Variants in HEMK2 observed in about 807,000 individuals in gnomAD.
HEMK2 encodes HemK methyltransferase 2, ETF1 glutamine and histone H4 lysine.
chr21:28,709,488 G>T, the HEMK2 span, among the ~76,000 whole-genome samples: 1 of 152,108 alleles, frequency 6.6e-6, no homozygotes, highest in Non-Finnish European at 1.5e-5. Context: ...TGTTATAAAA[G>T]ACAACCAAGT....
chr21:28,836,534 C>T, the HEMK2 span, among the ~76,000 whole-genome samples: 2 of 151,594 alleles, frequency 1.3e-5, no homozygotes, highest in Admixed American at 6.6e-5. Flanking sequence ...AAAACAGAAC[C>T]TTTTTAAAGC....
the HEMK2 span, among the ~76,000 whole-genome samples, chr21:28,688,638 A>G: frequency 0.56 from 84,407 of 151,726 alleles, 26,136 homozygotes; most frequent in East Asian, 0.84. Flanking sequence ...ATACAAAAAT[A>G]TACTTAGCAT....
the HEMK2 span, among the ~76,000 whole-genome samples, chr21:28,776,157 T>G: frequency 1.3e-5 from 2 of 152,222 alleles, no homozygotes; most frequent in Non-Finnish European, 2.9e-5. Context: ...TGTAGACTTC[T>G]GGGAGTTTCA....
chr21:28,729,138 G>A, the HEMK2 span, among the ~76,000 whole-genome samples: 1 of 152,288 alleles, frequency 6.6e-6, no homozygotes, highest in South Asian at 2.1e-4. Flanking sequence ...AATCTTCTAG[G>A]TTTCTCTGTC....
chr21:28,822,227 T>C, the HEMK2 span, among the ~76,000 whole-genome samples: 91 of 152,196 alleles, frequency 6.0e-4, no homozygotes, highest in Non-Finnish European at 1.1e-3. Flanking sequence ...TTATATACCA[T>C]CTGGGACAAA....
At chr21:28,774,596 A>C in the HEMK2 span, among the ~76,000 whole-genome samples, 1 of 152,104 alleles carries the variant, frequency 6.6e-6, no homozygotes, top group Non-Finnish European at 1.5e-5. Flanking sequence ...TCTAAAAAAA[A>C]AGAAAAAAGA....
At chr21:28,634,760 T>C in the HEMK2 span, among the ~76,000 whole-genome samples, 11 of 152,208 alleles carry the variant, frequency 7.2e-5, no homozygotes, top group Admixed American at 7.2e-4. Flanking sequence ...TACAAGTTTG[T>C]AACTTATAGA....
the HEMK2 span, chr21:28,743,235 T>C: frequency 1.2e-4 from 19 of 152,140 alleles, no homozygotes; most frequent in Non-Finnish European, 2.5e-4. Context: ...TAGAGTAGAT[T>C]AGCATGGCCT....
At chr21:28,579,221 C>T in the HEMK2 span, among the ~76,000 whole-genome samples, 1 of 152,072 alleles carries the variant, frequency 6.6e-6, no homozygotes, top group Admixed American at 6.6e-5. Context: ...AAACATATGT[C>T]ATTACATTAT....
At chr21:28,733,857 C>A in the HEMK2 span, among the ~76,000 whole-genome samples, 2 of 76,234 alleles carry the variant, frequency 2.6e-5, no homozygotes, top group African/African-American at 1.8e-4. Context: ...TCTTCCTCTG[C>A]GACAGCCTCT....
chr21:28,684,694 G>A, the HEMK2 span, among the ~76,000 whole-genome samples: 22 of 152,274 alleles, frequency 1.4e-4, no homozygotes, highest in African/African-American at 4.1e-4. Flanking sequence ...ACATCAACAC[G>A]TGAATGGGGG....
chr21:28,818,595 C>T, the HEMK2 span, among the ~76,000 whole-genome samples: 1 of 152,120 alleles, frequency 6.6e-6, no homozygotes, highest in African/African-American at 2.4e-5. Context: ...CCCTTCTTTG[C>T]CCACCCTCTC....
chr21:28,578,400 G>T, the HEMK2 span, among the ~76,000 whole-genome samples: 49 of 152,296 alleles, frequency 3.2e-4, no homozygotes, highest in African/African-American at 1.1e-3. Flanking sequence ...CCACCCTCAG[G>T]TGATGGGGAT....
the HEMK2 span, among the ~76,000 whole-genome samples, chr21:28,602,584 A>G: frequency 1.3e-5 from 2 of 152,198 alleles, no homozygotes; most frequent in African/African-American, 4.8e-5. Context: ...TGCAGCCTGA[A>G]AAGTGCATAG....
chr21:28,766,661 T>C, the HEMK2 span, among the ~76,000 whole-genome samples: 6 of 152,052 alleles, frequency 3.9e-5, no homozygotes, highest in Non-Finnish European at 8.8e-5. Context: ...CACCATGGAA[T>C]ACTACTCAGC....
the HEMK2 span, among the ~76,000 whole-genome samples, chr21:28,769,139 C>A: frequency 6.6e-6 from 1 of 152,076 alleles, no homozygotes; most frequent in Non-Finnish European, 1.5e-5. Flanking sequence ...TGGCAAGGAT[C>A]CTGACTGGTC....
At chr21:28,654,558 C>T in the HEMK2 span, among the ~76,000 whole-genome samples, 1 of 152,030 alleles carries the variant, frequency 6.6e-6, no homozygotes, top group Non-Finnish European at 1.5e-5. Context: ...GATGTTCTCT[C>T]CCGTGGAACT....
the HEMK2 span, among the ~76,000 whole-genome samples, chr21:28,818,755 G>T: frequency 6.6e-6 from 1 of 152,174 alleles, no homozygotes; most frequent in African/African-American, 2.4e-5. Context: ...AGCTCTTTCA[G>T]CATCAGCCTA....
the HEMK2 span, among the ~76,000 whole-genome samples, chr21:28,760,590 C>T: frequency 1.3e-5 from 2 of 152,146 alleles, no homozygotes; most frequent in African/African-American, 4.8e-5. Context: ...TCCAATATCA[C>T]ATATAGCATT....
Sources: gnomAD v4.1 joint callset for allele counts (sites outside exome capture counted in the v4.1 genomes callset) on GRCh38, gnomAD v4.1.1 for gene constraint, MANE v1.5 for transcripts, NCBI Gene and HGNC (gene_info 2026-07-23, HGNC 2026-07-21) for gene names.